The following RYR2 variants were observed in gnomAD, a reference collection of about 807,000 sequenced individuals.
The protein encoded by RYR2 is cardiac muscle ryanodine receptor-calcium release channel.
In RYR2, 227 loss-of-function variants were observed where a neutral mutation model predicts 601.1. The observed-to-expected ratio is 0.38, with a 90% CI of 0.34 to 0.42. The LOEUF is 0.42. Among genes scored for constraint, RYR2 ranks in the 10% least tolerant of loss-of-function variants. RYR2 has a pLI of 1.00. For synonymous variants in RYR2, 2,223 were observed against 2,175.1 expected (o/e 1.02, Z -0.61); for missense variants, 4,646 against 6,156.5 (o/e 0.75, Z 8.21).
intron 25 of RYR2, among the ~76,000 whole-genome samples, chr1:237,543,218 T>C (rs1313191561): frequency 6.6e-6 from 1 of 152,138 alleles, no homozygotes; most frequent in Non-Finnish European, 1.5e-5. Flanking sequence ...GGATACTTCA[T>C]GGTCTTGTTT....
intron 4 of RYR2, among the ~76,000 whole-genome samples, chr1:237,358,476 AG>A (rs1699488720): frequency 6.6e-6 from 1 of 151,218 alleles, no homozygotes; most frequent in South Asian, 2.1e-4. Flanking sequence ...TGGGCTTGCC[AG>A]GTTTCTAATG....
At chr1:237,669,359 G>A (rs1684638788) in intron 58 of RYR2, among the ~76,000 whole-genome samples, 1 of 152,072 alleles carries the variant, frequency 6.6e-6, no homozygotes, top group Non-Finnish European at 1.5e-5. Context: ...AACCGCCATT[G>A]TCATCATGGC....
At chr1:237,675,994 T>C (rs1413744879) in intron 60 of RYR2, among the ~76,000 whole-genome samples, 1 of 152,174 alleles carries the variant, frequency 6.6e-6, no homozygotes, top group Non-Finnish European at 1.5e-5. Context: ...AAAATATGAT[T>C]CCTGACTTAT....
intron 2 of RYR2, among the ~76,000 whole-genome samples, chr1:237,285,370 T>C (rs2149398112): frequency 6.6e-6 from 1 of 152,308 alleles, no homozygotes; most frequent in African/African-American, 2.4e-5. Context: ...GCATCCCTGG[T>C]ATGAAACCCA....
At chr1:237,618,815 A>G (rs1254688252) in intron 38 of RYR2, among the ~76,000 whole-genome samples, 2 of 152,202 alleles carry the variant, frequency 1.3e-5, no homozygotes, top group Non-Finnish European at 2.9e-5. Flanking sequence ...ATCCCCGCTG[A>G]GTAGTAACAA....
chr1:237,336,424 A>T (rs1697238568), intron 3 of RYR2, among the ~76,000 whole-genome samples: 1 of 152,242 alleles, frequency 6.6e-6, no homozygotes, highest in African/African-American at 2.4e-5. Flanking sequence ...AACTGTAATG[A>T]TGTTTCCTCT....
At chr1:237,338,373 T>A (rs2149601460) in intron 3 of RYR2, among the ~76,000 whole-genome samples, 1 of 152,316 alleles carries the variant, frequency 6.6e-6, no homozygotes, top group Middle Eastern at 3.4e-3. Context: ...TTTCTGAGTT[T>A]CCAGTAGTTA....
In RYR2 at chr1:237,330,794, A is replaced by G. The variant is rs114361429; in HGVS notation, c.169-84A>G. 1.3e-4 allele frequency: 130 copies of G among 1,003,356 alleles called. 1 individual carries two copies. The African/African-American group carries it at 1.8e-3, about 14-fold the overall frequency. The allele number at this position is 1,003,356 out of a possible 1,614,324, so 62.2% of individuals were successfully genotyped here. ...AGTTGACAAATACTGTTTCTATGAAAGAAACTGGAGCCTCCTAAGGTAAGC... is the reference window on the plus strand; with the variant it reads ...AGTTGACAAATACTGTTTCTATGAAGGAAACTGGAGCCTCCTAAGGTAAGC... On this transcript the variant is annotated intron_variant, in intron 2 of 104. Coordinates refer to ENST00000366574, the MANE Select transcript of RYR2 (RefSeq NM_001035.3).
At chr1:237,190,004 C>G (rs534546457) in intron 1 of RYR2, among the ~76,000 whole-genome samples, 1 of 152,044 alleles carries the variant, frequency 6.6e-6, no homozygotes, top group African/African-American at 2.4e-5. Flanking sequence ...TCCCAAGTAG[C>G]TGAGATTATA....
chr1:237,775,985 C>T (rs1694630408), intron 87 of RYR2, among the ~76,000 whole-genome samples: 1 of 152,148 alleles, frequency 6.6e-6, no homozygotes, highest in African/African-American at 2.4e-5. Context: ...TGAGGGTTGG[C>T]CAAACAACTT....
At chr1:237,048,793 A>C (rs753571098) in intron 1 of RYR2, among the ~76,000 whole-genome samples, 1 of 152,142 alleles carries the variant, frequency 6.6e-6, no homozygotes, top group Non-Finnish European at 1.5e-5. Context: ...TGCTTGGTGC[A>C]CTGTTAACTA....
In RYR2 at chr1:237,631,405, A is replaced by C. The variant is rs549610951; in HGVS notation, c.6441-22A>C. On this transcript the variant is annotated intron_variant, in intron 41 of 104. Transcript: ENST00000366574. Reference sequence around the variant, plus strand: ...TAGATGTTGCTCTGAGCTTTACCCCATACGTCCATTGTCCTTTCTAGGGAT... The same window carrying C: ...TAGATGTTGCTCTGAGCTTTACCCCCTACGTCCATTGTCCTTTCTAGGGAT... 6.5e-5 allele frequency: 97 copies of C among 1,482,128 alleles called. 1 individual carries two copies. In the South Asian group the frequency reaches 1.0e-3, roughly 16 times the overall value. The allele number at this position is 1,482,128 out of a possible 1,614,324, so 91.8% of individuals were successfully genotyped here.
rs1333753783 is a variant in RYR2 at position 237,180,282 on chromosome 1, G to A, written c.49-90215G>A. 1.3e-5 allele frequency among the ~76,000 whole-genome samples: 2 copies of A among 152,104 alleles called. No individual in the cohort carries two copies. The highest frequency in any genetic ancestry group is 2.4e-5 in the African/African-American group (1 of 41,416). ...GAGGAATGACAAGGGAAGATTCCAC[G>A]CTGCCTATCCCTAGCCCTCAGAGCT... On this transcript the variant is annotated intron_variant, in intron 1 of 104. Coordinates refer to ENST00000366574, the MANE Select transcript of RYR2 (RefSeq NM_001035.3). The surrounding 1 kb of genome is among the most constrained non-coding windows in gnomAD (Gnocchi z 5.3).
At position 237,825,110 on chromosome 1, in the gene RYR2, A is replaced by G. The variant is rs553304490; in HGVS notation, c.14591-3271A>G. Among the ~76,000 whole-genome samples the G allele has an allele frequency of 3.3e-3, 507 of 152,308 alleles. 7 individuals carry two copies. The highest frequency in any genetic ancestry group is 4.9e-3 in the Non-Finnish European group (336 of 68,022). On this transcript the variant is annotated intron_variant, in intron 101 of 104. Coordinates refer to ENST00000366574, the MANE Select transcript of RYR2 (RefSeq NM_001035.3). ...CTGCCCAAAGTAATTTATAGATTCA[A>G]TGCTATCCCCATCAAGCTACCATTG...
At position 237,650,110 on chromosome 1, in the gene RYR2, C is replaced by G; in HGVS notation, c.7733+13C>G. 6.2e-7 allele frequency: 1 copy of G among 1,602,902 alleles called. No individual in the cohort carries two copies. Among genetic ancestry groups the G allele is most frequent in the African/African-American group, 1.3e-5 (1 of 74,794 alleles). ...TCTCTATTTGTGGGTGAGTGGATAA[C>G]AAATTCTATTCCGGCTTCTTCTTTA... On this transcript the variant is annotated intron_variant, in intron 50 of 104. Transcript: ENST00000366574.
chr1:237,301,492 T>C (rs1693347463), intron 2 of RYR2, among the ~76,000 whole-genome samples: 1 of 152,196 alleles, frequency 6.6e-6, no homozygotes. Context: ...CCAAGCACTG[T>C]AGTTGATAAG....
rs771469528 is a variant in RYR2 at position 237,617,325 on chromosome 1, C to T, written c.5755C>T (p.Arg1919Trp). The change falls in exon 38 of 105, where the codon CGG becomes TGG. Residue 1919 changes from arginine to tryptophan, a missense_variant. Around this residue, in one of 17 missense-constraint regions of RYR2, gnomAD observed 1,807 missense variants for 2,088.1 expected, o/e 0.87. Transcript: ENST00000366574. ...LLQYLCDCQV[R>W]HRIEAIVAFS... ...TCAGTACCTCTGTGACTGCCAGGTC[C>T]GGCACCGGATAGAAGCCATTGTAGC... 1.1e-5 allele frequency: 17 copies of T among 1,613,352 alleles called. No individual in the cohort carries two copies. The highest frequency in any genetic ancestry group is 3.3e-5 in the South Asian group (3 of 91,004).
chr1:237,305,171 G>T (rs773156374), intron 2 of RYR2, among the ~76,000 whole-genome samples: 1 of 152,128 alleles, frequency 6.6e-6, no homozygotes. Context: ...TTTTGCTCAC[G>T]TGCACAAGGA....
At chr1:237,721,844 C>T (rs1237268979) in intron 73 of RYR2, among the ~76,000 whole-genome samples, 3 of 152,088 alleles carry the variant, frequency 2.0e-5, no homozygotes, top group Admixed American at 2.0e-4. Flanking sequence ...TAATAACATA[C>T]TTATTCTATA....
Sources: allele counts gnomAD v4.1 joint callset (sites outside exome capture counted in the v4.1 genomes callset), GRCh38; gene constraint gnomAD v4.1.1; regional missense constraint gnomAD v4.1.1; non-coding constraint Gnocchi (gnomAD v3.1); transcripts MANE v1.5; gene names NCBI Gene and HGNC (gene_info 2026-07-23, HGNC 2026-07-21).